Variants in UBE2K observed in about 807,000 individuals in gnomAD.
UBE2K encodes ubiquitin conjugating enzyme E2 K, also known as ubiquitin-conjugating enzyme E2 K.
UBE2K carries 6 observed loss-of-function variants against 30.0 expected under a neutral mutation model. The ratio of observed to expected loss-of-function variants is 0.20; its 90% CI spans 0.11 to 0.39. The LOEUF is 0.39. Ranked by LOEUF, UBE2K falls within the 10% of genes least tolerant of loss-of-function variation. The pLI is 1.00. For synonymous variants in UBE2K, 86 were observed against 83.7 expected (o/e 1.03, Z -0.15); for missense variants, 61 against 241.6 (o/e 0.25, Z 4.96).
chr4:39,728,182 G>A (rs1429584257), intron 1 of UBE2K, among the ~76,000 whole-genome samples: 1 of 152,060 alleles, frequency 6.6e-6, no homozygotes, highest in African/African-American at 2.4e-5. Flanking sequence ...TCTTGAATCA[G>A]TTTTAAAACC....
At chr4:39,764,615 T>C (rs11947610) in intron 4 of UBE2K, among the ~76,000 whole-genome samples, 26,944 of 151,934 alleles carry the variant, frequency 0.18, 4,124 homozygotes, top group African/African-American at 0.42. Flanking sequence ...TAAAATTACT[T>C]TTTGTAGAGA....
At chr4:39,703,491 C>T (rs1377840446) in intron 1 of UBE2K, among the ~76,000 whole-genome samples, 1 of 151,974 alleles carries the variant, frequency 6.6e-6, no homozygotes, top group African/African-American at 2.4e-5. Flanking sequence ...TTAGCCTGGG[C>T]ATCAGCGAGA....
chr4:39,747,362 C>T (rs1228146483), intron 3 of UBE2K, among the ~76,000 whole-genome samples: 1 of 152,150 alleles, frequency 6.6e-6, no homozygotes, highest in African/African-American at 2.4e-5. Context: ...CCCATTATTC[C>T]CCGCTCCCAG....
At chr4:39,772,255 A>C (rs940721229) in intron 4 of UBE2K, among the ~76,000 whole-genome samples, 8 of 152,124 alleles carry the variant, frequency 5.3e-5, no homozygotes, top group African/African-American at 1.9e-4. Flanking sequence ...AACCCAGTTG[A>C]AAAAGGCTGG....
chr4:39,699,662 G>A (rs1162997573), intron 1 of UBE2K, among the ~76,000 whole-genome samples: 1 of 152,086 alleles, frequency 6.6e-6, no homozygotes, highest in Non-Finnish European at 1.5e-5. Flanking sequence ...ATTGCTATTT[G>A]TGTTTTTCTT....
intron 1 of UBE2K, among the ~76,000 whole-genome samples, chr4:39,728,260 T>C (rs1358174603): frequency 6.6e-6 from 1 of 152,228 alleles, no homozygotes; most frequent in Non-Finnish European, 1.5e-5. Flanking sequence ...CACGTAAGTT[T>C]GTTTTAAGAT....
At chr4:39,729,805 A>G (rs773694028) in intron 1 of UBE2K, among the ~76,000 whole-genome samples, 2 of 152,152 alleles carry the variant, frequency 1.3e-5, no homozygotes, top group African/African-American at 2.4e-5. Context: ...CAATTCCTAA[A>G]CCTGTCAAGT....
chr4:39,735,529 C>T (rs1484613338), intron 1 of UBE2K, among the ~76,000 whole-genome samples: 6 of 152,158 alleles, frequency 3.9e-5, no homozygotes, highest in Non-Finnish European at 7.3e-5. Context: ...TGCAGGTGCC[C>T]GCCACCACAC....
chr4:39,706,563 C>T (rs1718378621), intron 1 of UBE2K, among the ~76,000 whole-genome samples: 1 of 150,968 alleles, frequency 6.6e-6, no homozygotes, highest in Non-Finnish European at 1.5e-5. Flanking sequence ...GCCACCACCT[C>T]CCAGGTCAAG....
chr4:39,727,325 A>T (rs776995303), intron 1 of UBE2K, among the ~76,000 whole-genome samples: 1 of 152,104 alleles, frequency 6.6e-6, no homozygotes, highest in Non-Finnish European at 1.5e-5. Flanking sequence ...AGTAGCTTTG[A>T]CTGTTTTTCT....
At chr4:39,699,203 A>C (rs1717871885) in intron 1 of UBE2K, among the ~76,000 whole-genome samples, 1 of 152,184 alleles carries the variant, frequency 6.6e-6, no homozygotes, top group South Asian at 2.1e-4. Context: ...TTATTTCAAA[A>C]TATTGTTTAC....
chr4:39,698,475 C>G, intron 1 of UBE2K, 85 bp downstream of exon 1: 1 of 1,315,354 alleles, frequency 7.6e-7, no homozygotes, highest in Non-Finnish European at 1.1e-6. Context: ...CCCCGGTAGT[C>G]CCTGGGTGGT....
intron 1 of UBE2K, among the ~76,000 whole-genome samples, chr4:39,721,942 A>G (rs1411353414): frequency 6.6e-6 from 1 of 151,980 alleles, no homozygotes; most frequent in Non-Finnish European, 1.5e-5. Context: ...AGAAAAAAAT[A>G]GTTGGGTGTG....
intron 5 of UBE2K, among the ~76,000 whole-genome samples, chr4:39,776,292 C>CT (rs1713279733): frequency 6.6e-6 from 1 of 152,190 alleles, no homozygotes; most frequent in Admixed American, 6.5e-5. Context: ...CATAATTACT[C>CT]TGATTGCCAT....
At chr4:39,742,130 A>G (rs1404778655) in intron 2 of UBE2K, among the ~76,000 whole-genome samples, 1 of 152,154 alleles carries the variant, frequency 6.6e-6, no homozygotes, top group Admixed American at 6.5e-5. Flanking sequence ...TTGGCCATTA[A>G]CAAAGAACTT....
At chr4:39,700,459 A>G (rs1037263672) in intron 1 of UBE2K, among the ~76,000 whole-genome samples, 3 of 152,180 alleles carry the variant, frequency 2.0e-5, no homozygotes, top group Non-Finnish European at 2.9e-5. Flanking sequence ...ATAAGTTGGA[A>G]AGAACATTTA....
intron 4 of UBE2K, among the ~76,000 whole-genome samples, chr4:39,769,566 C>G (rs576230581): frequency 1.3e-5 from 2 of 152,002 alleles, no homozygotes; most frequent in East Asian, 3.9e-4. Context: ...CAAGAACTGT[C>G]TCCCCCTTCC....
intron 4 of UBE2K, chr4:39,770,033 C>T: frequency 6.8e-7 from 1 of 1,460,942 alleles, no homozygotes; most frequent in Non-Finnish European, 9.2e-7. Flanking sequence ...GAGCCCTTTC[C>T]CCACCTAGCC....
At chr4:39,739,595 C>T (rs1041115635) in intron 2 of UBE2K, among the ~76,000 whole-genome samples, 3 of 151,000 alleles carry the variant, frequency 2.0e-5, no homozygotes, top group Non-Finnish European at 3.0e-5. Flanking sequence ...TACAGGCGCC[C>T]GCCACCATGC....
Sources: allele counts gnomAD v4.1 joint callset (sites outside exome capture counted in the v4.1 genomes callset), GRCh38; gene constraint gnomAD v4.1.1; transcripts MANE v1.5; gene names NCBI Gene and HGNC (gene_info 2026-07-23, HGNC 2026-07-21).